Variants in KCNIP4 observed in about 807,000 individuals in gnomAD.
KCNIP4 encodes Kv channel-interacting protein 4.
Under a neutral mutation model 34.0 loss-of-function variants are expected in KCNIP4, and 12 were observed. The ratio of observed to expected loss-of-function variants is 0.35; its 90% confidence interval spans 0.23 to 0.57. The LOEUF is 0.57. Among genes scored for constraint, KCNIP4 ranks in the 20% least tolerant of loss-of-function variants. The pLI, the probability that KCNIP4 is intolerant of heterozygous loss-of-function variation, is 0.83. For missense variants in KCNIP4, 238 were observed against 311.7 expected (o/e 0.76, Z 1.78); for synonymous variants, 124 against 102.2 (o/e 1.21, Z -1.29).
chr4:20,835,838 A>G (rs980706126), intron 3 of KCNIP4, among the ~76,000 whole-genome samples: 17 of 151,902 alleles, frequency 1.1e-4, no homozygotes, highest in Non-Finnish European at 2.1e-4. Context: ...TTTAAGTCAG[A>G]AAACTTGGAA....
intron 1 of KCNIP4, among the ~76,000 whole-genome samples, chr4:20,992,729 A>C (rs1737190156): frequency 6.6e-6 from 1 of 152,090 alleles, no homozygotes; most frequent in Non-Finnish European, 1.5e-5. Context: ...GATGATGAAC[A>C]AAGAAAGCAC....
chr4:21,302,689 CCATCCCCCGCCTCCTGCGCCCTG>C (rs975067831), intron 1 of KCNIP4, among the ~76,000 whole-genome samples: 2 of 152,110 alleles, frequency 1.3e-5, no homozygotes, highest in African/African-American at 2.4e-5. Context: ...CAGCTCTCCA[CCATCCCCCGCCTCCTGCGCCCTG>C]CATCCCCCGC....
intron 1 of KCNIP4, among the ~76,000 whole-genome samples, chr4:21,337,061 G>T (rs1716246781): frequency 6.6e-6 from 1 of 151,574 alleles, no homozygotes; most frequent in South Asian, 2.1e-4. Flanking sequence ...GGCAGGTGGG[G>T]TCGTAAAAGA....
chr4:21,843,589 A>G (rs1173537270), intron 1 of KCNIP4: 1 of 151,986 alleles, frequency 6.6e-6, no homozygotes, highest in African/African-American at 2.4e-5. Context: ...CTCTGAAGAA[A>G]CAGGATACAG....
At chr4:21,338,611 A>C (rs559218107) in intron 1 of KCNIP4, among the ~76,000 whole-genome samples, 1 of 151,936 alleles carries the variant, frequency 6.6e-6, no homozygotes, top group Non-Finnish European at 1.5e-5. Flanking sequence ...TGCTTCAAAA[A>C]AAAAACAAAA....
At position 20,992,597 on chromosome 4, in the gene KCNIP4, C is replaced by T. The variant is rs147611547; in HGVS notation, c.62-109888G>A. 1.8e-3 allele frequency among the ~76,000 whole-genome samples: 270 copies of T among 152,212 alleles called. 1 individual carries two copies. The highest frequency in any genetic ancestry group is 4.3e-3 in the Admixed American group (65 of 15,290). On this transcript the variant is annotated intron_variant, in intron 1 of 8. Transcript: ENST00000382152. ...CCCTCCCTTTCTGCCTCTCCCCCAC[C>T]CCACATACAATTATCACCCGGATCG...
At chr4:21,432,094 A>ATATATATATAT (rs1726521455) in intron 1 of KCNIP4, among the ~76,000 whole-genome samples, 2 of 21,654 alleles carry the variant, frequency 9.2e-5, no homozygotes, top group Admixed American at 3.5e-4. Context: ...ATGGAAGCAT[A>ATATATATATAT]TATATATATA....
intron 2 of KCNIP4, among the ~76,000 whole-genome samples, chr4:20,865,336 A>C (rs1722764842): frequency 6.6e-6 from 1 of 151,948 alleles, no homozygotes; most frequent in Non-Finnish European, 1.5e-5. Flanking sequence ...ATAAGTTCTA[A>C]CCTTATTCTT....
chr4:20,850,510 G>A (rs375214529), intron 3 of KCNIP4, 33 bp downstream of exon 3: 1 of 1,605,396 alleles, frequency 6.2e-7, no homozygotes, highest in South Asian at 1.1e-5. Context: ...TCTGGGAATT[G>A]TGTGAAGGTA....
chr4:20,858,500 G>A (rs1577263832), intron 2 of KCNIP4, among the ~76,000 whole-genome samples: 1 of 152,158 alleles, frequency 6.6e-6, no homozygotes, highest in South Asian at 2.1e-4. Context: ...TGCACAATGA[G>A]TGCTGGGCAG....
chr4:21,238,377 C>T (rs1759537660), intron 1 of KCNIP4, among the ~76,000 whole-genome samples: 1 of 152,110 alleles, frequency 6.6e-6, no homozygotes, highest in South Asian at 2.1e-4. Context: ...AAGTGCTGGC[C>T]AGGGCAATCA....
intron 1 of KCNIP4, among the ~76,000 whole-genome samples, chr4:21,383,119 G>A (rs1481321735): frequency 1.3e-5 from 2 of 152,112 alleles, no homozygotes; most frequent in Non-Finnish European, 2.9e-5. Context: ...AAAAGATCAA[G>A]ACTCAGCAAG....
At chr4:21,735,690 C>G (rs1288409010) in intron 1 of KCNIP4, among the ~76,000 whole-genome samples, 1 of 152,070 alleles carries the variant, frequency 6.6e-6, no homozygotes. Context: ...GAACCTAGGT[C>G]CCTATCTACT....
At chr4:21,640,773 G>C (rs533428051) in intron 1 of KCNIP4, among the ~76,000 whole-genome samples, 1 of 152,270 alleles carries the variant, frequency 6.6e-6, no homozygotes, top group Admixed American at 6.5e-5. Flanking sequence ...AACAAGAGAA[G>C]GCTCTGCAAC....
At chr4:20,941,640 A>G (rs1560587603) in intron 1 of KCNIP4, among the ~76,000 whole-genome samples, 2 of 152,240 alleles carry the variant, frequency 1.3e-5, no homozygotes, top group African/African-American at 2.4e-5. Flanking sequence ...TTAGACATCC[A>G]ATGAAATGCC....
chr4:21,939,747 A>C (rs1730090372), intron 1 of KCNIP4, among the ~76,000 whole-genome samples: 1 of 152,188 alleles, frequency 6.6e-6, no homozygotes, highest in Non-Finnish European at 1.5e-5. Flanking sequence ...TCATCTTCAA[A>C]TTAAAGGGAG....
chr4:21,820,758 T>G (rs147154398), intron 1 of KCNIP4, among the ~76,000 whole-genome samples: 1 of 152,172 alleles, frequency 6.6e-6, no homozygotes, highest in Admixed American at 6.6e-5. Flanking sequence ...TTAGCTTCAA[T>G]GATCATTAAA....
intron 1 of KCNIP4, among the ~76,000 whole-genome samples, chr4:20,943,555 T>C: frequency 6.6e-6 from 1 of 152,178 alleles, no homozygotes; most frequent in Non-Finnish European, 1.5e-5. Context: ...GCACTTTAAA[T>C]TTAATCCTCC....
intron 1 of KCNIP4, among the ~76,000 whole-genome samples, chr4:21,048,193 C>T (rs1394489399): frequency 6.6e-6 from 1 of 152,182 alleles, no homozygotes; most frequent in Non-Finnish European, 1.5e-5. Context: ...CCTCAAACCT[C>T]AGTTGGTTAT....
Sources: gnomAD v4.1 joint callset for allele counts (sites outside exome capture counted in the v4.1 genomes callset) on GRCh38, gnomAD v4.1.1 for gene constraint, MANE v1.5 for transcripts, NCBI Gene and HGNC (gene_info 2026-07-23, HGNC 2026-07-21) for gene names.